Variants in THSD7A observed in about 807,000 individuals in gnomAD.
THSD7A encodes the protein thrombospondin type 1 domain containing 7A, also known as thrombospondin type-1 domain-containing protein 7A.
A neutral mutation model predicts 231.3 loss-of-function variants in THSD7A; 96 were observed. That is an observed-to-expected ratio of 0.41 (90% CI 0.35 to 0.49). The LOEUF is 0.49. Ranked by LOEUF, THSD7A falls within the 20% of genes least tolerant of loss-of-function variation. The pLI is 0.05. For synonymous variants in THSD7A, 940 were observed against 743.3 expected, an observed-to-expected ratio of 1.26 and a Z score of -4.30; for missense variants, 2,290 against 2,070.2, an observed-to-expected ratio of 1.11 and a Z score of -2.06.
At chr7:11,754,889 C>T (rs1425274814) in intron 1 of THSD7A, among the ~76,000 whole-genome samples, 1 of 151,648 alleles carries the variant, frequency 6.6e-6, no homozygotes, top group African/African-American at 2.4e-5. Context: ...ACACTGACAC[C>T]AACAACACAA....
chr7:11,451,371 G>A (rs1235157753), intron 11 of THSD7A, among the ~76,000 whole-genome samples: 1 of 151,974 alleles, frequency 6.6e-6, no homozygotes, highest in Admixed American at 6.6e-5. Flanking sequence ...TGTTAAAAAT[G>A]CTCAAGTATT....
At chr7:11,439,830 C>T (rs1784746751) in intron 13 of THSD7A, among the ~76,000 whole-genome samples, 1 of 152,006 alleles carries the variant, frequency 6.6e-6, no homozygotes, top group Non-Finnish European at 1.5e-5. Context: ...GCAGCAAGTG[C>T]TGATATAGAA....
At chr7:11,587,570 G>C (rs1044720073) in intron 4 of THSD7A, among the ~76,000 whole-genome samples, 3 of 152,136 alleles carry the variant, frequency 2.0e-5, no homozygotes. Flanking sequence ...TAATTCTACT[G>C]ACACAAATAG....
intron 6 of THSD7A, among the ~76,000 whole-genome samples, chr7:11,511,066 A>T (rs1222280669): frequency 6.6e-6 from 1 of 152,194 alleles, no homozygotes; most frequent in Non-Finnish European, 1.5e-5. Context: ...CCTTAAGTTG[A>T]TAAGCAACTT....
intron 6 of THSD7A, among the ~76,000 whole-genome samples, chr7:11,516,759 A>G (rs1788047009): frequency 1.3e-5 from 2 of 152,230 alleles, no homozygotes; most frequent in African/African-American, 4.8e-5. Flanking sequence ...TTTGAAAATA[A>G]GGATATATTT....
intron 1 of THSD7A, among the ~76,000 whole-genome samples, chr7:11,648,513 C>T (rs913798028): frequency 6.6e-6 from 1 of 151,838 alleles, no homozygotes; most frequent in Non-Finnish European, 1.5e-5. Flanking sequence ...CTATGTCTTA[C>T]CAAATACTTT....
At chr7:11,592,852 C>A (rs1335022809) in intron 3 of THSD7A, among the ~76,000 whole-genome samples, 1 of 152,114 alleles carries the variant, frequency 6.6e-6, no homozygotes, top group Non-Finnish European at 1.5e-5. Flanking sequence ...TCATATCAAC[C>A]TGCCACCTTT....
intron 17 of THSD7A, among the ~76,000 whole-genome samples, chr7:11,415,325 T>C (rs922081198): frequency 3.9e-5 from 6 of 152,222 alleles, no homozygotes; most frequent in Non-Finnish European, 5.9e-5. Flanking sequence ...GCCTCGGGCA[T>C]CATGAATAAC....
chr7:11,686,607 CA>C (rs1780061857), intron 1 of THSD7A, among the ~76,000 whole-genome samples: 1 of 151,726 alleles, frequency 6.6e-6, no homozygotes, highest in Non-Finnish European at 1.5e-5. Context: ...TGGTGGAATG[CA>C]TGAAGAAAAT....
chr7:11,500,703 G>C (rs186847232), intron 6 of THSD7A, among the ~76,000 whole-genome samples: 1 of 152,038 alleles, frequency 6.6e-6, no homozygotes, highest in South Asian at 2.1e-4. Flanking sequence ...ACTTTAGGGG[G>C]CCAAGGCGGG....
At chr7:11,498,430 G>A (rs1787195846) in intron 6 of THSD7A, among the ~76,000 whole-genome samples, 1 of 152,066 alleles carries the variant, frequency 6.6e-6, no homozygotes, top group Non-Finnish European at 1.5e-5. Context: ...CTCCCAACTG[G>A]GACCTCCAGC....
chr7:11,744,454 T>G (rs1327702481), intron 1 of THSD7A, among the ~76,000 whole-genome samples: 2 of 151,962 alleles, frequency 1.3e-5, no homozygotes, highest in Non-Finnish European at 2.9e-5. Flanking sequence ...TTTTATTTTT[T>G]ATTATACGTT....
chr7:11,563,379 A>G (rs1303271350), intron 4 of THSD7A, among the ~76,000 whole-genome samples: 1 of 152,038 alleles, frequency 6.6e-6, no homozygotes, highest in East Asian at 1.9e-4. Flanking sequence ...TTTATTTTTG[A>G]GACGGAGTGT....
chr7:11,612,565 A>G (rs917860789), intron 2 of THSD7A, among the ~76,000 whole-genome samples: 1 of 152,228 alleles, frequency 6.6e-6, no homozygotes, highest in Admixed American at 6.5e-5. Context: ...ACATTCTTAG[A>G]CATTAATATT....
At chr7:11,757,337 G>A (rs879879593) in intron 1 of THSD7A, among the ~76,000 whole-genome samples, 1 of 151,876 alleles carries the variant, frequency 6.6e-6, no homozygotes, top group Admixed American at 6.6e-5. Context: ...GATGCATGAC[G>A]CTCAGCTTTT....
chr7:11,818,943 T>C (rs1784789978), intron 1 of THSD7A, among the ~76,000 whole-genome samples: 1 of 152,276 alleles, frequency 6.6e-6, no homozygotes, highest in East Asian at 1.9e-4. Flanking sequence ...AAGTGGAATA[T>C]GTGCAGCACA....
chr7:11,812,562 T>G (rs991085921), intron 1 of THSD7A, among the ~76,000 whole-genome samples: 1 of 152,124 alleles, frequency 6.6e-6, no homozygotes, highest in African/African-American at 2.4e-5. Flanking sequence ...ACATATCACA[T>G]AGACAAAATA....
At chr7:11,414,713 C>A (rs1783901554) in intron 17 of THSD7A, among the ~76,000 whole-genome samples, 2 of 152,234 alleles carry the variant, frequency 1.3e-5, no homozygotes, top group Admixed American at 1.3e-4. Context: ...AAACCAGGAA[C>A]AAGCCTCCAT....
In THSD7A at chr7:11,496,664, G is replaced by C. The variant is rs368033856; in HGVS notation, c.1823-14682C>G. On this transcript the variant is annotated intron_variant, in intron 6 of 27. Transcript: ENST00000423059. ...CCAAGGGCCAGGAGCCTGTGGCTAC[G>C]TAAGCTGCTTACACTAATTTTTAGA... 1.4e-4 allele frequency among the ~76,000 whole-genome samples: 21 copies of C among 152,270 alleles called. No individual in the cohort carries two copies. The East Asian group carries it at 3.1e-3, about 22-fold the overall frequency.
Sources: gnomAD v4.1 joint callset for allele counts (sites outside exome capture counted in the v4.1 genomes callset) on GRCh38, gnomAD v4.1.1 for gene constraint, MANE v1.5 for transcripts, NCBI Gene and HGNC (gene_info 2026-07-23, HGNC 2026-07-21) for gene names.